The following CSMD1 variants were observed in gnomAD, a reference collection of about 807,000 sequenced individuals.
CSMD1 encodes the protein CUB and Sushi multiple domains 1, also known as CUB and sushi domain-containing protein 1.
CSMD1 carries 213 observed loss-of-function variants against 417.5 expected under a neutral mutation model. That is an observed-to-expected ratio of 0.51 (90% CI 0.46 to 0.57). CSMD1 has a LOEUF of 0.57. Among genes scored for constraint, CSMD1 ranks in the 20% least tolerant of loss-of-function variants. The pLI is 0.00. For synonymous variants in CSMD1, 2,862 were observed against 1,736.8 expected (o/e 1.65, Z -16.11); for missense variants, 6,923 against 4,529.7 (o/e 1.53, Z -15.17).
chr8:4,372,113 A>G lies in CSMD1; in HGVS notation c.415+47840T>C, dbSNP rs147388754. On this transcript the variant is annotated intron_variant, in intron 3 of 69. Transcript: ENST00000635120. ...CCCTTTCTATCTCAGTGCAAAGTCC[A>G]TTTACTGAATATTAGCATTTTTCTA... Among the ~76,000 whole-genome samples the G allele has an allele frequency of 2.0e-5, 3 of 152,368 alleles. No individual in the cohort carries two copies. In the East Asian group the frequency reaches 5.8e-4, roughly 29 times the overall value.
At chr8:4,433,973 G>A (rs1259975334) in intron 2 of CSMD1, among the ~76,000 whole-genome samples, 1 of 152,168 alleles carries the variant, frequency 6.6e-6, no homozygotes, top group South Asian at 2.1e-4. Flanking sequence ...GCTCCAGGAA[G>A]TGATTTTCTC....
chr8:3,481,922 C>A (rs896248230), intron 11 of CSMD1, among the ~76,000 whole-genome samples: 1 of 152,120 alleles, frequency 6.6e-6, no homozygotes, highest in African/African-American at 2.4e-5. Flanking sequence ...TTTGAGCCAC[C>A]AAGTTTGTGG....
Position 4,128,870 on chromosome 8 carries a change from G to C in CSMD1, c.416-96771C>G, listed in dbSNP as rs7826860. Among the ~76,000 whole-genome samples, 13 of 151,964 alleles carry C rather than the reference G, an allele frequency of 8.6e-5. No individual in the cohort carries two copies. The South Asian group carries it at 1.9e-3, about 22-fold the overall frequency. On this transcript the variant is annotated intron_variant, in intron 3 of 69. Coordinates refer to ENST00000635120, the MANE Select transcript of CSMD1 (RefSeq NM_033225.6). ...TAAGTGTTACAGGCTCTGTGCATGC[G>C]CTGTATCATGAATATTTCTGTCTCG...
intron 2 of CSMD1, among the ~76,000 whole-genome samples, chr8:4,515,739 G>T (rs1022068007): frequency 6.6e-6 from 1 of 152,118 alleles, no homozygotes; most frequent in African/African-American, 2.4e-5. Flanking sequence ...TAGAGCCCAG[G>T]GTAGTCTGGA....
chr8:4,446,203 T>C lies in CSMD1; in HGVS notation c.303-26138A>G, dbSNP rs184434087. On this transcript the variant is annotated intron_variant, in intron 2 of 69. Coordinates refer to ENST00000635120, the MANE Select transcript of CSMD1 (RefSeq NM_033225.6). ...TCAAAGAAACAAAAGACATTTTGTTTTTTCCACAATCATCTATTTCTAGGA... is the reference window on the plus strand; with the variant it reads ...TCAAAGAAACAAAAGACATTTTGTTCTTTCCACAATCATCTATTTCTAGGA... Among the ~76,000 whole-genome samples the C allele has an allele frequency of 2.0e-5, 3 of 152,312 alleles. No individual in the cohort carries two copies. In the East Asian group the frequency reaches 5.8e-4, roughly 29 times the overall value.
intron 1 of CSMD1, among the ~76,000 whole-genome samples, chr8:4,687,254 G>C (rs573865573): frequency 6.6e-6 from 1 of 152,192 alleles, no homozygotes; most frequent in South Asian, 2.1e-4. Context: ...CAGGATGCTG[G>C]CACTATCAGA....
At chr8:4,034,022 G>A (rs74374124) in intron 3 of CSMD1, among the ~76,000 whole-genome samples, 1 of 152,144 alleles carries the variant, frequency 6.6e-6, no homozygotes, top group African/African-American at 2.4e-5. Context: ...AAATAAAAAT[G>A]TATTTCCAAT....
In CSMD1 at chr8:3,493,123, G is replaced by A. The variant is rs529751305; in HGVS notation, c.1448+500C>T. ...AACCGGGCCAACATGGCAAACGCCTGTCTCTAATAATAATACAAAAATTAG... is the reference window on the plus strand; with the variant it reads ...AACCGGGCCAACATGGCAAACGCCTATCTCTAATAATAATACAAAAATTAG... On this transcript the variant is annotated intron_variant, in intron 11 of 69. Transcript: ENST00000635120. 4.8e-4 allele frequency among the ~76,000 whole-genome samples: 73 copies of A among 151,888 alleles called. 1 individual carries two copies. The highest frequency in any genetic ancestry group is 8.2e-4 in the Non-Finnish European group (56 of 67,996).
intron 12 of CSMD1, among the ~76,000 whole-genome samples, chr8:3,457,352 C>T (rs1816218373): frequency 6.6e-6 from 1 of 152,210 alleles, no homozygotes; most frequent in Non-Finnish European, 1.5e-5. Context: ...CTGAAGCTGC[C>T]TAACTTCTTC....
intron 10 of CSMD1, among the ~76,000 whole-genome samples, chr8:3,533,895 C>G (rs1798082765): frequency 6.6e-6 from 1 of 152,164 alleles, no homozygotes; most frequent in Non-Finnish European, 1.5e-5. Context: ...GATGTATCAG[C>G]TCGTCATTCA....
At chr8:3,607,206 G>A (rs909284269) in intron 8 of CSMD1, among the ~76,000 whole-genome samples, 5 of 152,048 alleles carry the variant, frequency 3.3e-5, no homozygotes, top group African/African-American at 9.7e-5. Context: ...AGGCCTGCAC[G>A]ACGTCAGGAT....
chr8:4,603,195 C>G (rs532627676), intron 2 of CSMD1, among the ~76,000 whole-genome samples: 1 of 152,002 alleles, frequency 6.6e-6, no homozygotes, highest in Non-Finnish European at 1.5e-5. Context: ...CTTAAAAATA[C>G]TGACTGCACA....
intron 2 of CSMD1, among the ~76,000 whole-genome samples, chr8:4,630,241 C>G (rs2130839876): frequency 6.6e-6 from 1 of 150,544 alleles, no homozygotes; most frequent in East Asian, 2.0e-4. Context: ...TATCCTTTTT[C>G]TTAACAAATA....
chr8:4,236,865 C>T (rs983214352), intron 3 of CSMD1, among the ~76,000 whole-genome samples: 2 of 152,168 alleles, frequency 1.3e-5, no homozygotes, highest in African/African-American at 4.8e-5. Context: ...ACAGAAGCAT[C>T]AGTGACAGGC....
At chr8:3,691,391 C>A (rs1342518893) in intron 7 of CSMD1, among the ~76,000 whole-genome samples, 12 of 151,174 alleles carry the variant, frequency 7.9e-5, no homozygotes, top group Middle Eastern at 3.4e-3. Flanking sequence ...AACAAAAAAA[C>A]AAAAAACAAA....
At chr8:3,344,972 G>A (rs779949131) in intron 22 of CSMD1, among the ~76,000 whole-genome samples, 17 of 152,274 alleles carry the variant, frequency 1.1e-4, no homozygotes, top group African/African-American at 2.4e-4. Context: ...TAGACGAGCC[G>A]GGGTCTGACA....
At chr8:3,467,217 C>A (rs1816835981) in intron 12 of CSMD1, among the ~76,000 whole-genome samples, 1 of 152,184 alleles carries the variant, frequency 6.6e-6, no homozygotes, top group South Asian at 2.1e-4. Context: ...GTCAAGGATG[C>A]AGTTTGGGCA....
At chr8:4,260,174 G>A (rs1803774537) in intron 3 of CSMD1, among the ~76,000 whole-genome samples, 1 of 152,120 alleles carries the variant, frequency 6.6e-6, no homozygotes, top group Non-Finnish European at 1.5e-5. Flanking sequence ...TGGCATCCTT[G>A]CAAGTATTGA....
chr8:3,586,703 G>A (rs1057456689), intron 8 of CSMD1, among the ~76,000 whole-genome samples: 5 of 152,286 alleles, frequency 3.3e-5, no homozygotes, highest in South Asian at 2.1e-4. Context: ...AGTAAAGACT[G>A]TATTTTGCTA....
Sources: gnomAD v4.1 joint callset for allele counts (sites outside exome capture counted in the v4.1 genomes callset) on GRCh38, gnomAD v4.1.1 for gene constraint, MANE v1.5 for transcripts, NCBI Gene and HGNC (gene_info 2026-07-23, HGNC 2026-07-21) for gene names.